SMAP1: variants seen among roughly 807,000 people sequenced by gnomAD.
The protein encoded by SMAP1 is small ArfGAP 1.
SMAP1 carries 24 observed loss-of-function variants against 58.5 expected under a neutral mutation model. The ratio of observed to expected loss-of-function variants is 0.41; its 90% CI spans 0.30 to 0.58. The LOEUF (loss-of-function observed/expected upper bound fraction) is 0.58. Ranked by LOEUF, SMAP1 falls within the 20% of genes least tolerant of loss-of-function variation. The pLI is 0.29. For synonymous variants in SMAP1, 216 were observed against 196.6 expected (o/e 1.10, Z -0.82); for missense variants, 563 against 566.3 (o/e 0.99, Z 0.06).
chr6:70,839,066 G>A (rs767331397), intron 7 of SMAP1, among the ~76,000 whole-genome samples: 4 of 152,042 alleles, frequency 2.6e-5, no homozygotes, highest in Admixed American at 6.5e-5. Context: ...CGGTATGAGT[G>A]GCCTTTCAGA....
chr6:70,774,163 T>C (rs1767450220), intron 4 of SMAP1, among the ~76,000 whole-genome samples: 1 of 152,230 alleles, frequency 6.6e-6, no homozygotes, highest in Non-Finnish European at 1.5e-5. Context: ...TCTAGGTTTG[T>C]ATGAGCACAC....
At chr6:70,672,290 G>T (rs573334866) in intron 1 of SMAP1, among the ~76,000 whole-genome samples, 2 of 152,072 alleles carry the variant, frequency 1.3e-5, no homozygotes, top group African/African-American at 2.4e-5. Context: ...TTTGCCCATT[G>T]GTGGTCTTTA....
At chr6:70,783,320 A>C (rs183446103) in intron 4 of SMAP1, among the ~76,000 whole-genome samples, 26 of 152,308 alleles carry the variant, frequency 1.7e-4, no homozygotes, top group Admixed American at 9.2e-4. Flanking sequence ...ATCATCAAAG[A>C]CCAAAAGTAG....
intron 10 of SMAP1, 64 bp downstream of exon 10, chr6:70,858,293 T>G (rs1333980847): frequency 8.7e-7 from 1 of 1,152,416 alleles, no homozygotes; most frequent in East Asian, 2.7e-5. Context: ...AAATCTTTTT[T>G]TTTTTTTTTT....
chr6:70,678,180 A>G (rs1192085355), intron 1 of SMAP1, among the ~76,000 whole-genome samples: 2 of 152,200 alleles, frequency 1.3e-5, no homozygotes, highest in African/African-American at 2.4e-5. Context: ...ATAATCTTCC[A>G]TTCTCTGTGG....
At chr6:70,707,426 G>C (rs1230255228) in intron 1 of SMAP1, among the ~76,000 whole-genome samples, 2 of 151,984 alleles carry the variant, frequency 1.3e-5, no homozygotes, top group Non-Finnish European at 2.9e-5. Flanking sequence ...CAGCCTGAAA[G>C]CTATTGAGAG....
At chr6:70,699,674 C>G (rs1767547119) in intron 1 of SMAP1, among the ~76,000 whole-genome samples, 1 of 152,070 alleles carries the variant, frequency 6.6e-6, no homozygotes, top group Admixed American at 6.5e-5. Flanking sequence ...TCCTCATGAC[C>G]ACCACTGCCC....
intron 4 of SMAP1, among the ~76,000 whole-genome samples, chr6:70,778,920 C>T (rs565827473): frequency 6.6e-5 from 10 of 152,344 alleles, no homozygotes; most frequent in African/African-American, 2.4e-4. Context: ...ATTCCTCAGT[C>T]CTGTCCACTG....
At chr6:70,788,086 G>T (rs183430904) in intron 4 of SMAP1, among the ~76,000 whole-genome samples, 1 of 152,090 alleles carries the variant, frequency 6.6e-6, no homozygotes, top group East Asian at 1.9e-4. Flanking sequence ...TTAAGAAAAT[G>T]TGGCGCATAT....
At chr6:70,731,129 A>G (rs1582077941) in intron 1 of SMAP1, among the ~76,000 whole-genome samples, 2 of 152,352 alleles carry the variant, frequency 1.3e-5, no homozygotes, top group South Asian at 4.1e-4. Context: ...CTCTTACTAT[A>G]TACATACATT....
chr6:70,688,267 T>C (rs1432072019), intron 1 of SMAP1, among the ~76,000 whole-genome samples: 5 of 152,180 alleles, frequency 3.3e-5, no homozygotes, highest in Admixed American at 3.3e-4. Context: ...TGTTAACATT[T>C]TTGTATAGAT....
At chr6:70,671,481 A>G (rs1353998978) in intron 1 of SMAP1, among the ~76,000 whole-genome samples, 1 of 152,114 alleles carries the variant, frequency 6.6e-6, no homozygotes, top group Admixed American at 6.6e-5. Context: ...GAGGCAAGAG[A>G]ATTGCTTGAA....
At chr6:70,856,791 T>G in intron 8 of SMAP1, 68 bp from the exon 9 acceptor site, 2 of 1,438,554 alleles carry the variant, frequency 1.4e-6, no homozygotes, top group Non-Finnish European at 1.9e-6. Context: ...TTTATTTGGA[T>G]TTTAAGTAAT....
At chr6:70,819,121 T>G (rs142416254) in intron 6 of SMAP1, among the ~76,000 whole-genome samples, 2 of 152,168 alleles carry the variant, frequency 1.3e-5, no homozygotes, top group African/African-American at 4.8e-5. Context: ...ATTCAAGATA[T>G]GGTCTTTCGT....
chr6:70,718,420 T>C (rs1053716633), intron 1 of SMAP1, among the ~76,000 whole-genome samples: 7 of 152,072 alleles, frequency 4.6e-5, no homozygotes, highest in South Asian at 2.1e-4. Flanking sequence ...GTTGGGGGAA[T>C]GTGAAAAAGC....
chr6:70,752,704 A>G (rs1294291163), intron 2 of SMAP1, among the ~76,000 whole-genome samples: 4 of 151,706 alleles, frequency 2.6e-5, no homozygotes, highest in Non-Finnish European at 2.9e-5. Flanking sequence ...AAATTGCCCA[A>G]TCTTTCATTT....
At chr6:70,716,972 C>T (rs1444775138) in intron 1 of SMAP1, among the ~76,000 whole-genome samples, 1 of 152,152 alleles carries the variant, frequency 6.6e-6, no homozygotes, top group East Asian at 1.9e-4. Context: ...CTCTACTAGT[C>T]TTGTGAGACT....
At chr6:70,841,167 C>T (rs550440440) in intron 7 of SMAP1, among the ~76,000 whole-genome samples, 13 of 152,268 alleles carry the variant, frequency 8.5e-5, no homozygotes, top group African/African-American at 2.4e-4. Flanking sequence ...TCTTCAAGGG[C>T]GAGCACATGC....
At chr6:70,771,982 A>T (rs1334214021) in intron 3 of SMAP1, among the ~76,000 whole-genome samples, 1 of 152,152 alleles carries the variant, frequency 6.6e-6, no homozygotes, top group Non-Finnish European at 1.5e-5. Flanking sequence ...CCCAGGGCAC[A>T]AGGTGGGAAC....
Sources: gnomAD v4.1 joint callset for allele counts (sites outside exome capture counted in the v4.1 genomes callset) on GRCh38, gnomAD v4.1.1 for gene constraint, MANE v1.5 for transcripts, NCBI Gene and HGNC (gene_info 2026-07-23, HGNC 2026-07-21) for gene names.